The following MYO1D variants were observed in gnomAD, a reference collection of about 807,000 sequenced individuals.
MYO1D encodes unconventional myosin-Id.
Under a neutral mutation model 122.0 loss-of-function variants are expected in MYO1D, and 83 were observed. That is an observed-to-expected ratio of 0.68 (90% CI 0.57 to 0.82). The LOEUF (loss-of-function observed/expected upper bound fraction) is 0.82. Among genes scored for constraint, MYO1D ranks in the 40% least tolerant of loss-of-function variants. The pLI is 0.00. For synonymous variants in MYO1D, 464 were observed against 446.9 expected (o/e 1.04, Z -0.48); for missense variants, 1,157 against 1,269.5 (o/e 0.91, Z 1.35).
rs548981518 is a variant in MYO1D, at chr17:32,678,115, T to C, written c.2122-18777A>G. 3.3e-5 allele frequency among the ~76,000 whole-genome samples: 5 copies of C among 152,176 alleles called. 1 individual carries two copies. The highest frequency in any genetic ancestry group is 7.3e-5 in the Non-Finnish European group (5 of 68,032). ...AATGCTCAAGCTCTTTCTCACAGCC[T>C]CCTTATTTATGTATTTCCTGGCTTG... On this transcript the variant is annotated intron_variant, in intron 16 of 21. Coordinates refer to ENST00000318217, the MANE Select transcript of MYO1D (RefSeq NM_015194.3).
chr17:32,519,622 G>C (rs972592736), intron 21 of MYO1D, among the ~76,000 whole-genome samples: 1 of 151,514 alleles, frequency 6.6e-6, no homozygotes. Flanking sequence ...AGCCCCGGCC[G>C]GCCGCGCTTC....
At chr17:32,800,271 G>A (rs1455625358) in intron 1 of MYO1D, among the ~76,000 whole-genome samples, 1 of 152,092 alleles carries the variant, frequency 6.6e-6, no homozygotes, top group Admixed American at 6.6e-5. Context: ...CAATAGCCAA[G>A]ATATAGAAAC....
At chr17:32,667,976 A>T (rs1462099196) in intron 16 of MYO1D, among the ~76,000 whole-genome samples, 1 of 152,154 alleles carries the variant, frequency 6.6e-6, no homozygotes, top group African/African-American at 2.4e-5. Context: ...TTGAAACCCA[A>T]ATCGCAATTA....
At chr17:32,872,992 G>A (rs928149547) in intron 1 of MYO1D, among the ~76,000 whole-genome samples, 6 of 152,152 alleles carry the variant, frequency 3.9e-5, no homozygotes, top group South Asian at 2.1e-4. Context: ...CACCGCGCCC[G>A]GCCTAGGTCA....
At chr17:32,617,209 G>T (rs193107312) in intron 20 of MYO1D, among the ~76,000 whole-genome samples, 1 of 152,198 alleles carries the variant, frequency 6.6e-6, no homozygotes, top group Non-Finnish European at 1.5e-5. Flanking sequence ...AAAGAAGGCT[G>T]ACTACCTTGA....
At chr17:32,828,841 T>C (rs1241342114) in intron 1 of MYO1D, among the ~76,000 whole-genome samples, 2 of 152,232 alleles carry the variant, frequency 1.3e-5, no homozygotes, top group Non-Finnish European at 2.9e-5. Context: ...TATTCTGTTC[T>C]ATCAGTTCTG....
chr17:32,524,418 G>A (rs1225003417), intron 21 of MYO1D, among the ~76,000 whole-genome samples: 1 of 151,928 alleles, frequency 6.6e-6, no homozygotes, highest in African/African-American at 2.4e-5. Flanking sequence ...CTTTGGACAG[G>A]GTCACGCTCT....
intron 1 of MYO1D, among the ~76,000 whole-genome samples, chr17:32,817,567 A>G (rs1422656047): frequency 6.6e-6 from 1 of 152,188 alleles, no homozygotes. Flanking sequence ...AAAAGCCTAT[A>G]CATTTATGAC....
intron 20 of MYO1D, among the ~76,000 whole-genome samples, chr17:32,610,526 C>T (rs2087687338): frequency 6.6e-6 from 1 of 152,112 alleles, no homozygotes; most frequent in African/African-American, 2.4e-5. Flanking sequence ...GTGTTAATCC[C>T]AATTCAGCCA....
At chr17:32,563,067 G>T (rs999811909) in intron 21 of MYO1D, among the ~76,000 whole-genome samples, 7 of 151,956 alleles carry the variant, frequency 4.6e-5, no homozygotes, top group African/African-American at 1.7e-4. Flanking sequence ...TGACTTGAAG[G>T]AAAAATCGTA....
At chr17:32,875,360 T>C (rs2091219141) in intron 1 of MYO1D, among the ~76,000 whole-genome samples, 1 of 152,244 alleles carries the variant, frequency 6.6e-6, no homozygotes, top group Non-Finnish European at 1.5e-5. Context: ...TTTACTAATA[T>C]GGATTTGCCA....
chr17:32,863,518 C>T (rs565569541), intron 1 of MYO1D, among the ~76,000 whole-genome samples: 54 of 152,258 alleles, frequency 3.5e-4, no homozygotes, highest in African/African-American at 1.2e-3. Flanking sequence ...AGGGAATTCA[C>T]GGGGAGGCAC....
At chr17:32,724,674 G>A (rs2089552064) in intron 14 of MYO1D, among the ~76,000 whole-genome samples, 1 of 152,168 alleles carries the variant, frequency 6.6e-6, no homozygotes, top group Non-Finnish European at 1.5e-5. Context: ...CTGAAAAGGA[G>A]GGGACACAGG....
chr17:32,821,912 T>TTA (rs1354498320), intron 1 of MYO1D, among the ~76,000 whole-genome samples: 1 of 152,200 alleles, frequency 6.6e-6, no homozygotes, highest in Non-Finnish European at 1.5e-5. Context: ...AGGAACACTT[T>TTA]TACACTGTTG....
At position 32,740,667 on chromosome 17, in the gene MYO1D, G is replaced by T. The variant is rs1567619109; in HGVS notation, c.1614-2282C>A. 2.0e-5 allele frequency among the ~76,000 whole-genome samples: 3 copies of T among 151,964 alleles called. No individual in the cohort carries two copies. In the South Asian group the frequency reaches 6.2e-4, roughly 32 times the overall value. ...TAACTTTTTAATTTTTTGTAGAATGGTCTCCCTATGTTGTCCAGGCTGGTC... is the reference window on the plus strand; with the variant it reads ...TAACTTTTTAATTTTTTGTAGAATGTTCTCCCTATGTTGTCCAGGCTGGTC... On this transcript the variant is annotated intron_variant, in intron 13 of 21. Transcript: ENST00000318217.
chr17:32,598,476 T>TACAGCCTGG (rs2087524689), intron 21 of MYO1D, among the ~76,000 whole-genome samples: 1 of 152,256 alleles, frequency 6.6e-6, no homozygotes, highest in African/African-American at 2.4e-5. Context: ...ATTTGTGGAA[T>TACAGCCTGG]ACAGCCTGGA....
intron 21 of MYO1D, among the ~76,000 whole-genome samples, chr17:32,516,415 G>A (rs955129231): frequency 6.6e-6 from 1 of 152,180 alleles, no homozygotes; most frequent in African/African-American, 2.4e-5. Flanking sequence ...TTTATTTTAA[G>A]TTCCCAGAAA....
chr17:32,605,271 T>G lies in MYO1D; in HGVS notation c.2710-30A>C, dbSNP rs377204996. 5.9e-6 allele frequency: 9 copies of G among 1,535,902 alleles called. No individual in the cohort carries two copies. The African/African-American group carries it at 1.1e-4, about 19-fold the overall frequency. On this transcript the variant is annotated intron_variant, in intron 20 of 21. Coordinates refer to ENST00000318217, the MANE Select transcript of MYO1D (RefSeq NM_015194.3). ...AAAGAGAAAATGCATGGAAAACTAT[T>G]TGGATCATTCTCAAAAGAATGAATT... is the stretch of plus-strand genomic sequence containing the variant.
chr17:32,625,444 C>A (rs1451926979), intron 20 of MYO1D, among the ~76,000 whole-genome samples: 1 of 152,146 alleles, frequency 6.6e-6, no homozygotes, highest in African/African-American at 2.4e-5. Flanking sequence ...AGACTTCCTG[C>A]CTGGGATTCT....
Sources: gnomAD v4.1 joint callset for allele counts (sites outside exome capture counted in the v4.1 genomes callset) on GRCh38, gnomAD v4.1.1 for gene constraint, MANE v1.5 for transcripts, NCBI Gene and HGNC (gene_info 2026-07-23, HGNC 2026-07-21) for gene names.